CRYZ: variants seen among roughly 807,000 people sequenced by gnomAD.
The protein encoded by CRYZ is zeta-crystallin.
Under a neutral mutation model 34.1 loss-of-function variants are expected in CRYZ, and 35 were observed. The ratio of observed to expected loss-of-function variants is 1.03; its 90% CI spans 0.78 to 1.36. The LOEUF is 1.36. Ranked by LOEUF, CRYZ falls within the 40% of genes most tolerant of loss-of-function variation. CRYZ has a pLI of 0.00. For missense variants in CRYZ, 403 were observed against 391.8 expected, an observed-to-expected ratio of 1.03 and a Z score of -0.24; for synonymous variants, 137 against 136.5, an observed-to-expected ratio of 1.00 and a Z score of -0.03.
chr1:74,724,967 T>C (rs757826863), intron 1 of CRYZ, 133 bp from the exon 2 acceptor site: 21 of 561,332 alleles, frequency 3.7e-5, no homozygotes, highest in Admixed American at 1.1e-4. Context: ...ACTGATCTCA[T>C]TTCATGTTTA....
chr1:74,717,039 T>C (rs1277588793), intron 4 of CRYZ, among the ~76,000 whole-genome samples: 2 of 152,160 alleles, frequency 1.3e-5, no homozygotes. Flanking sequence ...CACACACAAG[T>C]ACCTTCAACA....
In CRYZ at chr1:74,706,292, A is replaced by G; in HGVS notation, c.*4T>C. The stretch of plus-strand genomic sequence containing the variant: ...ACATAGGAAATCCATGAAAGAATTA[A>G]TCATCATAAGAGAAGAATCATTTTT... On this transcript the variant is annotated 3_prime_UTR_variant, in exon 9 of 9. Coordinates refer to ENST00000340866, the MANE Select transcript of CRYZ (RefSeq NM_001889.4). The G allele has an allele frequency of 6.3e-7, 1 of 1,595,784 alleles. No individual in the cohort carries two copies. Among genetic ancestry groups the G allele is most frequent in the Non-Finnish European group, 8.5e-7 (1 of 1,173,084 alleles).
In CRYZ at chr1:74,732,144, C is replaced by G. The variant is rs534479426; in HGVS notation, c.-14+812G>C. Among the ~76,000 whole-genome samples the G allele has an allele frequency of 1.4e-3, 212 of 149,516 alleles. 2 individuals are homozygous for G. The highest frequency in any genetic ancestry group is 5.0e-3 in the African/African-American group (203 of 40,384). On this transcript the variant is annotated intron_variant, in intron 1 of 8. Transcript: ENST00000340866. ...ACTACCTAGGAGAAGAAATCCCCTACAGCTGGGCTGTGGGAAGGAGCCCTA... is the reference window on the plus strand; with the variant it reads ...ACTACCTAGGAGAAGAAATCCCCTAGAGCTGGGCTGTGGGAAGGAGCCCTA...
At position 74,712,058 on chromosome 1, in the gene CRYZ, G is replaced by A. The variant is rs1647011279; in HGVS notation, c.481-1811C>T. Among the ~76,000 whole-genome samples, 2 of 151,972 alleles carry A rather than the reference G, an allele frequency of 1.3e-5. 1 individual carries two copies. The highest frequency in any genetic ancestry group is 4.2e-4 in the South Asian group (2 of 4,818). ...AAAATCCCAGCCTCCCAAAATGCTG[G>A]GATTGTAAGAAATCACTAGAATACC... On this transcript the variant is annotated intron_variant, in intron 5 of 8. Transcript: ENST00000340866.
intron 1 of CRYZ, among the ~76,000 whole-genome samples, chr1:74,731,339 A>AT (rs1647720380): frequency 6.6e-6 from 1 of 152,376 alleles, no homozygotes; most frequent in East Asian, 1.9e-4. Context: ...GCAAAGGAAC[A>AT]TTATGAGACA....
chr1:74,724,898 C>T (rs2100727129), intron 1 of CRYZ, 64 bp from the exon 2 acceptor site: 1 of 926,264 alleles, frequency 1.1e-6, no homozygotes, highest in Admixed American at 2.3e-5. Flanking sequence ...TGTTTTTCCC[C>T]CCTGGAGGGA....
At chr1:74,725,370 G>A (rs1647279734) in intron 1 of CRYZ, among the ~76,000 whole-genome samples, 1 of 152,202 alleles carries the variant, frequency 6.6e-6, no homozygotes. Context: ...AGGCAAAGGA[G>A]AAGCAATGGC....
intron 1 of CRYZ, among the ~76,000 whole-genome samples, chr1:74,725,433 T>A (rs1291346687): frequency 6.6e-6 from 1 of 152,192 alleles, no homozygotes; most frequent in African/African-American, 2.4e-5. Flanking sequence ...TTCCCTTTTA[T>A]AAAACCATCA....
At position 74,706,110 on chromosome 1, in the gene CRYZ, T is replaced by TA. The variant is rs577769550; in HGVS notation, c.*185dup. The TA allele has an allele frequency of 1.0e-5, 5 of 481,878 alleles. No homozygotes were observed. The highest frequency in any genetic ancestry group is 3.3e-5 in the East Asian group (1 of 30,622). 29.9% of individuals were successfully genotyped at this position (481,878 alleles called of 1,614,324 possible). A position where few individuals can be genotyped will look rare whatever the true frequency, so the allele number is the denominator to read the frequency against. ...ACTCTTTGATTTGAGACAGATGGCA[T>TA]AAAAAAATATTGCTAGCTATACAAT... On this transcript the variant is annotated 3_prime_UTR_variant, in exon 9 of 9. Transcript: ENST00000340866.
chr1:74,727,839 A>C (rs1647465026), intron 1 of CRYZ, among the ~76,000 whole-genome samples: 1 of 152,050 alleles, frequency 6.6e-6, no homozygotes. Flanking sequence ...AGCTTTAACA[A>C]ATCTTAACAT....
At position 74,705,566 on chromosome 1, in the gene CRYZ, A is replaced by G. The variant is rs954353785; in HGVS notation, c.*730T>C. The G allele has an allele frequency of 2.6e-5, 4 of 152,144 alleles. No homozygotes were observed. The highest frequency in any genetic ancestry group is 7.2e-5 in the African/African-American group (3 of 41,452). 9.4% of individuals were successfully genotyped at this position (152,144 alleles called of 1,614,324 possible). A position where few individuals can be genotyped will look rare whatever the true frequency, so the allele number is the denominator to read the frequency against. On this transcript the variant is annotated 3_prime_UTR_variant, in exon 9 of 9. Coordinates refer to ENST00000340866, the MANE Select transcript of CRYZ (RefSeq NM_001889.4). ...TAATTCTTAATTTATCAAATTTGTG[A>G]GCTTAATTAACAAAAATATTTGACC...
intron 8 of CRYZ, 121 bp downstream of exon 8, chr1:74,706,778 C>A: frequency 1.2e-6 from 1 of 814,922 alleles, no homozygotes; most frequent in Admixed American, 2.2e-5. Context: ...GTGACTAATC[C>A]TTACCAACTC....
At chr1:74,710,898 G>A (rs1354889226) in intron 5 of CRYZ, among the ~76,000 whole-genome samples, 1 of 152,162 alleles carries the variant, frequency 6.6e-6, no homozygotes, top group East Asian at 1.9e-4. Flanking sequence ...AAATAAAAGT[G>A]CTAAGAAAAA....
At chr1:74,719,826 ATATT>A (rs1282103398) in intron 3 of CRYZ, among the ~76,000 whole-genome samples, 2 of 152,206 alleles carry the variant, frequency 1.3e-5, no homozygotes, top group Admixed American at 6.6e-5. Flanking sequence ...ACATTTAAAA[ATATT>A]TATTAATGGG....
At chr1:74,723,931 G>A (rs780807663) in intron 2 of CRYZ, among the ~76,000 whole-genome samples, 1 of 152,164 alleles carries the variant, frequency 6.6e-6, no homozygotes, top group Non-Finnish European at 1.5e-5. Flanking sequence ...AACACAGAAT[G>A]ATTACCTCTG....
At chr1:74,713,950 G>T (rs1306129263) in intron 5 of CRYZ, among the ~76,000 whole-genome samples, 1 of 152,086 alleles carries the variant, frequency 6.6e-6, no homozygotes, top group Non-Finnish European at 1.5e-5. Flanking sequence ...TTCTCGAAGA[G>T]GTTTCTGACA....
intron 6 of CRYZ, 167 bp from the exon 7 acceptor site, chr1:74,707,371 G>A (rs886745017): frequency 2.6e-5 from 13 of 497,658 alleles, no homozygotes; most frequent in African/African-American, 2.4e-4. Flanking sequence ...TAATCACGAT[G>A]TAATTCCAAG....
At chr1:74,707,307 T>C in intron 6 of CRYZ, 103 bp from the exon 7 acceptor site, 5 of 670,442 alleles carry the variant, frequency 7.5e-6, no homozygotes, top group Non-Finnish European at 7.7e-6. Context: ...AAATGATATA[T>C]AAATGCTACA....
At chr1:74,727,458 C>CAAAAAAA (rs3041452) in intron 1 of CRYZ, among the ~76,000 whole-genome samples, 2 of 71,920 alleles carry the variant, frequency 2.8e-5, no homozygotes, top group Non-Finnish European at 5.2e-5. Context: ...CTAAAAAATA[C>CAAAAAAA]AAAAAAAAAA....
Sources: gnomAD v4.1 joint callset for allele counts (sites outside exome capture counted in the v4.1 genomes callset) on GRCh38, gnomAD v4.1.1 for gene constraint, MANE v1.5 for transcripts, NCBI Gene and HGNC (gene_info 2026-07-23, HGNC 2026-07-21) for gene names.